SCN1A: variants seen among roughly 807,000 people sequenced by gnomAD.
The protein encoded by SCN1A is sodium channel protein type 1 subunit alpha.
A neutral mutation model predicts 193.7 loss-of-function variants in SCN1A; 13 were observed. The ratio of observed to expected loss-of-function variants is 0.07; its 90% CI spans 0.04 to 0.11. The LOEUF is 0.11. SCN1A is among the 10% of genes least tolerant of loss of function. The pLI is 1.00. For synonymous variants in SCN1A, 781 were observed against 843.6 expected (o/e 0.93, Z 1.29); for missense variants, 1,432 against 2,451.1 (o/e 0.58, Z 8.78).
chr2:166,041,193 T>G (rs367846035), intron 16 of SCN1A, 38 bp downstream of exon 16: 1 of 1,430,918 alleles, frequency 7.0e-7, no homozygotes, highest in South Asian at 1.1e-5. Flanking sequence ...AAGCAGAAAA[T>G]TTGAAGACTA....
intron 1 of SCN1A, chr2:166,133,719 A>G (rs762944383): frequency 5.3e-5 from 8 of 152,112 alleles, no homozygotes; most frequent in Non-Finnish European, 8.8e-5. Context: ...TGAAGATGAC[A>G]CTAAATGTCG....
chr2:166,030,722 A>G (rs1457073471), intron 19 of SCN1A, among the ~76,000 whole-genome samples: 1 of 152,102 alleles, frequency 6.6e-6, no homozygotes, highest in Non-Finnish European at 1.5e-5. Flanking sequence ...TGCTCATAGT[A>G]GAGTTAAGGC....
At chr2:166,070,190 CAGA>C (rs1212269370) in intron 4 of SCN1A, among the ~76,000 whole-genome samples, 4 of 152,058 alleles carry the variant, frequency 2.6e-5, no homozygotes, top group African/African-American at 9.7e-5. Flanking sequence ...CATAAAAATG[CAGA>C]AGAAGGAAAT....
intron 23 of SCN1A, among the ~76,000 whole-genome samples, chr2:166,008,166 T>G (rs7569592): frequency 2.0e-5 from 3 of 151,210 alleles, no homozygotes; most frequent in Non-Finnish European, 4.4e-5. Context: ...AAGGCATTAT[T>G]GATTAATAAT....
chr2:166,031,825 AT>A (rs1354597109), intron 19 of SCN1A, among the ~76,000 whole-genome samples: 3 of 152,246 alleles, frequency 2.0e-5, no homozygotes, highest in East Asian at 3.9e-4. Flanking sequence ...CATTATGCAC[AT>A]TTTTGAGATG....
intron 2 of SCN1A, among the ~76,000 whole-genome samples, chr2:166,098,534 G>A (rs1433234348): frequency 6.6e-6 from 1 of 152,002 alleles, no homozygotes; most frequent in African/African-American, 2.4e-5. Context: ...GAAATAAAAG[G>A]CATCCAAATA....
Position 166,051,729 on chromosome 2 carries a change from A to G in SCN1A, c.954T>C (p.Ile318=), listed in dbSNP as rs1461285935. ...AACAATAATTCTTACTTGAATCTTGAATATATGACTTCCAGTCAAACTCAA... is the reference window on the plus strand; with the variant it reads ...AACAATAATTCTTACTTGAATCTTGGATATATGACTTCCAGTCAAACTCAA... ...TVFEFDWKSY[I]QDSRYHYFLE... The change falls in exon 9 of 29, where the codon ATT becomes ATC. Residue 318 remains isoleucine (I), a synonymous_variant. Coordinates refer to ENST00000674923, the MANE Select transcript of SCN1A (RefSeq NM_001165963.4). 1 of 1,599,238 alleles carries G rather than the reference A, an allele frequency of 6.3e-7. No homozygotes were observed. The highest frequency in any genetic ancestry group is 2.2e-5 in the East Asian group (1 of 44,738).
chr2:166,096,165 A>G (rs1324426931), intron 2 of SCN1A, among the ~76,000 whole-genome samples: 1 of 152,214 alleles, frequency 6.6e-6, no homozygotes, highest in Non-Finnish European at 1.5e-5. Context: ...TCCACAGAAG[A>G]CTTTTGAGAG....
intron 18 of SCN1A, among the ~76,000 whole-genome samples, chr2:166,036,781 G>T (rs138911032): frequency 2.7e-4 from 41 of 152,304 alleles, no homozygotes; most frequent in Non-Finnish European, 5.1e-4. Flanking sequence ...AATTGAATGA[G>T]CTAATCTAAG....
chr2:166,146,267 G>A lies in SCN1A; in HGVS notation c.-50+2780C>T, dbSNP rs181491239. ...GCCAACAGATATCTACCAATAGATC[G>A]TCACCTAGATCTTCAAGGGTGCAAA... On this transcript the variant is annotated intron_variant, in intron 1 of 26. Coordinates refer to the SCN1A transcript ENST00000635750. 1.4e-3 allele frequency among the ~76,000 whole-genome samples: 206 copies of A among 152,192 alleles called. 2 individuals carry two copies. Among genetic ancestry groups the A allele is most frequent in the Non-Finnish European group, 2.1e-3 (145 of 68,012 alleles).
Position 166,047,684 on chromosome 2 carries a change from A to G in SCN1A, c.1113T>C (p.Ala371=). The G allele has an allele frequency of 6.2e-7, 1 of 1,613,740 alleles. No individual in the cohort carries two copies. The change falls in exon 11 of 29, where the codon GCT becomes GCC. Residue 371 remains alanine, a synonymous_variant. Coordinates refer to ENST00000674923, the MANE Select transcript of SCN1A (RefSeq NM_001165963.4). The stretch of plus-strand genomic sequence containing the variant: ...TCATTAGTCGAAACAAGGACAAAAA[A>G]GCCCAACTGAAGGTATCAAAGCTTG... The part of the protein sequence containing the change: ...GYTSFDTFSW[A]FLSLFRLMTQ...
Position 166,045,081 on chromosome 2 carries a change from G to T in SCN1A, c.1624C>A (p.Arg542=), listed in dbSNP as rs138877187. ...KGFRFSIEGN[R]LTYEKRYSSP... ...GAGTACCTCTTTTCATATGTCAATC[G>T]GTTCCCTTCAATGGAGAAGCGAAAA... Residue 542 remains arginine, a synonymous_variant, in exon 13 of 29, where the codon CGA becomes AGA. Transcript: ENST00000674923. 4.5e-5 allele frequency: 73 copies of T among 1,614,050 alleles called. No individual in the cohort carries two copies. The African/African-American group carries it at 8.0e-4, about 18-fold the overall frequency.
At chr2:166,082,890 T>G (rs1484776539) in intron 2 of SCN1A, among the ~76,000 whole-genome samples, 3 of 152,068 alleles carry the variant, frequency 2.0e-5, no homozygotes, top group Non-Finnish European at 4.4e-5. Context: ...CAAAAAGACT[T>G]CTGCCAAAAT....
intron 13 of SCN1A, 104 bp from the exon 14 acceptor site, chr2:166,044,153 CAG>C: frequency 1.6e-6 from 2 of 1,255,432 alleles, no homozygotes; most frequent in South Asian, 2.6e-5. Flanking sequence ...GCATTCATAA[CAG>C]AATATGGTTC....
chr2:166,004,603 T>C (rs1026149083), intron 23 of SCN1A, among the ~76,000 whole-genome samples: 1 of 151,582 alleles, frequency 6.6e-6, no homozygotes, highest in Non-Finnish European at 1.5e-5. Context: ...AGTTATTTAT[T>C]GGCTCTCTGG....
intron 2 of SCN1A, among the ~76,000 whole-genome samples, 175 bp downstream of exon 2, chr2:166,126,749 T>A (rs1323512396): frequency 6.6e-6 from 1 of 152,226 alleles, no homozygotes; most frequent in Non-Finnish European, 1.5e-5. Context: ...TTTAGTCACA[T>A]GCACATATTG....
Position 166,045,248 on chromosome 2 carries a change from G to C in SCN1A, c.1457C>G (p.Ala486Gly), listed in dbSNP as rs777120925. The C allele has an allele frequency of 2.3e-5, 37 of 1,613,958 alleles. No homozygotes were observed. The highest frequency in any genetic ancestry group is 6.7e-5 in the Admixed American group (4 of 59,990). The change falls in exon 13 of 29, where the codon GCC (alanine) becomes GGC (glycine). Residue 486 changes from alanine to glycine, a missense_variant. Physicochemically the swap from Ala to Gly is moderately conservative, Grantham distance 60. Coordinates refer to ENST00000674923, the MANE Select transcript of SCN1A (RefSeq NM_001165963.4). ...AGCACTCTTGGAACTCAACTTAGAG[G>C]CTTCAGATGAGCTGTCTGAGAGCCT... ...AGRLSDSSSE[A>G]SKLSSKSAKE...
rs139307955 is a variant in SCN1A at position 166,125,487 on chromosome 2, G to A, written c.-142+1437C>T. On this transcript the variant is annotated intron_variant, in intron 2 of 28. Coordinates refer to ENST00000674923, the MANE Select transcript of SCN1A (RefSeq NM_001165963.4). ...CCTTGAGAAATGCCTGGTTGGTGAC[G>A]TCCTAGAGGTAACACCAAGCAAGCC... Among the ~76,000 whole-genome samples, 319 of 152,242 alleles carry A rather than the reference G, an allele frequency of 2.1e-3. 5 individuals carry two copies. Among genetic ancestry groups the A allele is most frequent in the Non-Finnish European group, 7.1e-4 (48 of 68,016 alleles).
chr2:166,036,231 A>G lies in SCN1A; in HGVS notation c.3246T>C (p.Thr1082=), dbSNP rs961517010. Residue 1082 remains threonine, a synonymous_variant, in exon 19 of 29, where the codon ACT becomes ACC. Coordinates refer to ENST00000674923, the MANE Select transcript of SCN1A (RefSeq NM_001165963.4). ...TGCTGCCAGTTCCTATACCACTTGT[A>G]GTTCCATTTACATCTTTAAGATAGT... ...DLDYLKDVNG[T]TSGIGTGSSV... is the part of the protein sequence containing the mutation. 1.2e-6 allele frequency: 2 copies of G among 1,613,910 alleles called. No homozygotes were observed. The highest frequency in any genetic ancestry group is 3.3e-5 in the Admixed American group (2 of 60,028).
Sources: allele counts gnomAD v4.1 joint callset (sites outside exome capture counted in the v4.1 genomes callset), GRCh38; gene constraint gnomAD v4.1.1; transcripts MANE v1.5; gene names NCBI Gene and HGNC (gene_info 2026-07-23, HGNC 2026-07-21).